PASK: variants seen among roughly 807,000 people sequenced by gnomAD.
PASK encodes the protein PAS domain containing serine/threonine kinase, also known as PAS domain-containing serine/threonine-protein kinase.
PASK carries 110 observed loss-of-function variants against 121.0 expected under a neutral mutation model. The ratio of observed to expected loss-of-function variants is 0.91; its 90% confidence interval spans 0.78 to 1.06. The LOEUF (loss-of-function observed/expected upper bound fraction) is 1.06, where lower values mean the gene tolerates loss of function less well. PASK is among the 50% of genes least tolerant of loss of function. The pLI is 0.00. For missense variants in PASK, 1,643 were observed against 1,702.3 expected (o/e 0.97, Z 0.61); for synonymous variants, 686 against 717.8 (o/e 0.96, Z 0.71).
In PASK at chr2:241,114,687, G is replaced by A. The variant is rs191354286; in HGVS notation, c.3333+356C>T. ...AGTGGGCACTTACAACCTGCAGGCC[G>A]CTGTGCCGCACACATGCCTTTGAGA... is the stretch of plus-strand genomic sequence containing the variant. On this transcript the variant is annotated intron_variant, in intron 14 of 17. Transcript: ENST00000234040. 3.1e-4 allele frequency: 380 copies of A among 1,223,974 alleles called. 1 individual carries two copies. In the African/African-American group the frequency reaches 5.0e-3, roughly 16 times the overall value. The allele number at this position is 1,223,974 out of a possible 1,614,324, so 75.8% of individuals were successfully genotyped here.
chr2:241,144,850 G>A (rs910924169), intron 1 of PASK, among the ~76,000 whole-genome samples: 4 of 152,200 alleles, frequency 2.6e-5, no homozygotes, highest in African/African-American at 9.6e-5. Context: ...CATCTTTGGT[G>A]TTCTTGACCT....
chr2:241,126,811 T>C lies in PASK; in HGVS notation c.2104A>G (p.Arg702Gly), dbSNP rs1345987476. Residue 702 changes from arginine (R) to glycine (G), a missense_variant, in exon 10 of 18, where the codon AGA becomes GGA. Coordinates refer to ENST00000234040, the MANE Select transcript of PASK (RefSeq NM_015148.4). ...CCCGTGCAGCCACCGCACAGGTCTC[T>C]GCCTCCCAGATCGCAGGACGACACA... Reference protein sequence around the residue: ...APVSSCDLGGRDLCGGCTGSS... With the variant: ...APVSSCDLGGGDLCGGCTGSS... 6 of 1,613,678 alleles carry C rather than the reference T, an allele frequency of 3.7e-6. No homozygotes were observed. Among genetic ancestry groups the C allele is most frequent in the Non-Finnish European group, 5.1e-6 (6 of 1,179,814 alleles).
chr2:241,132,787 T>C, intron 9 of PASK, 87 bp downstream of exon 9: 1 of 1,104,230 alleles, frequency 9.1e-7, no homozygotes, highest in Non-Finnish European at 1.4e-6. Context: ...AATAATAGGC[T>C]GAACATTTCT....
At chr2:241,148,887 G>A (rs1186540555) in intron 1 of PASK, among the ~76,000 whole-genome samples, 1 of 151,960 alleles carries the variant, frequency 6.6e-6, no homozygotes, top group East Asian at 1.9e-4. Context: ...GCAGGCCCCT[G>A]CCGTACTCTG....
At chr2:241,118,969 A>T in intron 12 of PASK, 1 of 1,013,860 alleles carries the variant, frequency 9.9e-7, no homozygotes. Flanking sequence ...CAAGGGCAGC[A>T]CCCCCAGCCT....
chr2:241,146,363 A>C (rs539740404), intron 1 of PASK, among the ~76,000 whole-genome samples: 15 of 152,352 alleles, frequency 9.8e-5, no homozygotes, highest in Non-Finnish European at 1.9e-4. Flanking sequence ...ATTTCAGAGA[A>C]ATTTTTGCAA....
intron 1 of PASK, among the ~76,000 whole-genome samples, chr2:241,146,765 C>G (rs1462298464): frequency 6.6e-6 from 1 of 152,216 alleles, no homozygotes; most frequent in Non-Finnish European, 1.5e-5. Context: ...GTGGTTCCCT[C>G]TGGGTCAGGC....
At chr2:241,126,144 T>C in intron 10 of PASK, 52 bp downstream of exon 10, 1 of 1,533,808 alleles carries the variant, frequency 6.5e-7, no homozygotes, top group Non-Finnish European at 9.0e-7. Flanking sequence ...GCACCCCCAC[T>C]GCACTGTGCT....
At chr2:241,149,486 C>A, upstream of PASK, 1 of 650,406 alleles carries the variant, frequency 1.5e-6, no homozygotes, top group South Asian at 2.0e-5. Context: ...TTTATCCCAC[C>A]GACCAATCGC....
At chr2:241,141,178 TCAGGAGGCTAAGG>T (rs2066682832) in intron 2 of PASK, among the ~76,000 whole-genome samples, 1 of 152,134 alleles carries the variant, frequency 6.6e-6, no homozygotes, top group African/African-American at 2.4e-5. Context: ...CCCCATCTAC[TCAGGAGGCTAAGG>T]CAGGAGGATT....
chr2:241,117,781 A>T (rs1368683205), intron 12 of PASK, among the ~76,000 whole-genome samples: 1 of 152,252 alleles, frequency 6.6e-6, no homozygotes, highest in Non-Finnish European at 1.5e-5. Flanking sequence ...AGAAAGGCAT[A>T]TCATCACTAA....
intron 4 of PASK, chr2:241,139,410 C>A: frequency 2.3e-6 from 1 of 428,440 alleles, no homozygotes; most frequent in South Asian, 1.8e-5. Flanking sequence ...ACTCAGCTCA[C>A]CTGTCAACAT....
intron 8 of PASK, 135 bp from the exon 9 acceptor site, chr2:241,133,165 C>G: frequency 1.2e-6 from 1 of 861,194 alleles, no homozygotes; most frequent in Admixed American, 1.9e-5. Flanking sequence ...CCCCAGGCGT[C>G]CCAGGTCCAA....
chr2:241,109,965 CTTTA>C (rs966602550), intron 15 of PASK, among the ~76,000 whole-genome samples: 12 of 152,316 alleles, frequency 7.9e-5, no homozygotes, highest in Admixed American at 7.2e-4. Flanking sequence ...TCCAATAAAA[CTTTA>C]TTTATAGAAA....
At position 241,126,973 on chromosome 2, in the gene PASK, GC is replaced by G. The variant is rs1363872493; in HGVS notation, c.1941del (p.Trp647CysfsTer15). 1.9e-6 allele frequency: 3 copies of G among 1,614,146 alleles called. No individual in the cohort carries two copies. In the Admixed American group the frequency reaches 5.0e-5, roughly 27 times the overall value. Reference sequence around the variant, plus strand: ...TCTTCTCGGTCGTTTTCCACTCCCAGCCACGGCTCATCTAGAGTAGGTGTCC... The same window carrying G: ...TCTTCTCGGTCGTTTTCCACTCCCAGCACGGCTCATCTAGAGTAGGTGTCC... ...SFGTPTLDEP[W>X]LGVENDREEL... On this transcript the variant is annotated frameshift_variant, in exon 10 of 18. Coordinates refer to ENST00000234040, the MANE Select transcript of PASK (RefSeq NM_015148.4). LOFTEE classifies it high-confidence loss of function.
Position 241,124,135 on chromosome 2 carries a change from T to C in PASK, c.2720-2A>G. 6.2e-7 allele frequency: 1 copy of C among 1,613,408 alleles called. No homozygotes were observed. Among genetic ancestry groups the C allele is most frequent in the East Asian group, 2.2e-5 (1 of 44,874 alleles). On this transcript the variant is annotated splice_acceptor_variant, in intron 10 of 17. Transcript: ENST00000234040. LOFTEE classifies it high-confidence loss of function. ...CCCGCCTCACCTCAAACTGTATACC[T>C]GAAGGGTGAGAAGGTAAGAACGCAC...
At chr2:241,125,976 A>G (rs572130572) in intron 10 of PASK, among the ~76,000 whole-genome samples, 1 of 152,326 alleles carries the variant, frequency 6.6e-6, no homozygotes, top group African/African-American at 2.4e-5. Flanking sequence ...GGCATGGGGC[A>G]GGTGGCCTGG....
intron 6 of PASK, among the ~76,000 whole-genome samples, chr2:241,137,527 C>G (rs1267698810): frequency 6.6e-6 from 1 of 152,184 alleles, no homozygotes; most frequent in Non-Finnish European, 1.5e-5. Flanking sequence ...CAGTGAGGGG[C>G]CGGGCACCAG....
At chr2:241,113,617 C>A (rs895370134) in intron 14 of PASK, 2 of 629,280 alleles carry the variant, frequency 3.2e-6, no homozygotes, top group Non-Finnish European at 2.0e-6. Context: ...AATCAGGAGA[C>A]AGAAATCACA....
Sources: allele counts gnomAD v4.1 joint callset (sites outside exome capture counted in the v4.1 genomes callset), GRCh38; gene constraint gnomAD v4.1.1; transcripts MANE v1.5; gene names NCBI Gene and HGNC (gene_info 2026-07-23, HGNC 2026-07-21).